The following LMNA variants were observed in gnomAD, a reference collection of about 807,000 sequenced individuals.
LMNA encodes the protein lamin.
Under a neutral mutation model 70.4 loss-of-function variants are expected in LMNA, and 20 were observed. The observed-to-expected ratio is 0.28, with a 90% CI of 0.20 to 0.41. The LOEUF (loss-of-function observed/expected upper bound fraction) is 0.41. Among genes scored for constraint, LMNA ranks in the 10% least tolerant of loss-of-function variants. The pLI, the probability that LMNA is intolerant of heterozygous loss-of-function variation, is 1.00. For missense variants in LMNA, 652 were observed against 917.2 expected (o/e 0.71, Z 3.73); for synonymous variants, 339 against 372.8 (o/e 0.91, Z 1.04).
chr1:156,124,735 G>T (rs113311348), intron 1 of LMNA, among the ~76,000 whole-genome samples: 6 of 152,130 alleles, frequency 3.9e-5, no homozygotes, highest in South Asian at 2.1e-4. Context: ...TGCCGGGTTG[G>T]GGGGGAGGTA....
Position 156,115,340 on chromosome 1 carries a change from G to A in LMNA, c.356+66G>A. On this transcript the variant is annotated intron_variant, in intron 1 of 11. Coordinates refer to ENST00000368300, the MANE Select transcript of LMNA (RefSeq NM_170707.4). The surrounding 1 kb of genome is among the most constrained non-coding windows in gnomAD (Gnocchi z 5.8). ...AGAGGGCGGCGGGCCGGCGCCCCTGGCCGGCCGCAGGAAGGGAGTGAGAGG... is the reference window on the plus strand; with the variant it reads ...AGAGGGCGGCGGGCCGGCGCCCCTGACCGGCCGCAGGAAGGGAGTGAGAGG... The A allele has an allele frequency of 7.0e-7, 1 of 1,431,384 alleles. No individual in the cohort carries two copies. Among genetic ancestry groups the A allele is most frequent in the Non-Finnish European group, 9.5e-7 (1 of 1,047,456 alleles). 88.7% of individuals were successfully genotyped at this position (1,431,384 alleles called of 1,614,324 possible). A position where few individuals can be genotyped will look rare whatever the true frequency, so the allele number is the denominator to read the frequency against.
Position 156,115,348 on chromosome 1 carries a change from C to A in LMNA, c.356+74C>A. 1 of 1,376,532 alleles carries A rather than the reference C, an allele frequency of 7.3e-7. No homozygotes were observed. The highest frequency in any genetic ancestry group is 1.0e-6 in the Non-Finnish European group (1 of 998,780). 85.3% of individuals were successfully genotyped at this position (1,376,532 alleles called of 1,614,324 possible). A position where few individuals can be genotyped will look rare whatever the true frequency, so the allele number is the denominator to read the frequency against. ...GCGGGCCGGCGCCCCTGGCCGGCCG[C>A]AGGAAGGGAGTGAGAGGGCCTGGAG... On this transcript the variant is annotated intron_variant, in intron 1 of 11. Coordinates refer to ENST00000368300, the MANE Select transcript of LMNA (RefSeq NM_170707.4). The surrounding 1 kb of genome is among the most constrained non-coding windows in gnomAD (Gnocchi z 5.8).
intron 3 of LMNA, among the ~76,000 whole-genome samples, chr1:156,109,174 A>G (rs1485945847): frequency 1.3e-5 from 2 of 151,052 alleles, no homozygotes; most frequent in African/African-American, 4.9e-5. Flanking sequence ...GTAGTCCATA[A>G]ATATTCCCTA....
chr1:156,133,461 C>G (rs1182918179), intron 2 of LMNA, among the ~76,000 whole-genome samples: 1 of 151,926 alleles, frequency 6.6e-6, no homozygotes, highest in Non-Finnish European at 1.5e-5. Flanking sequence ...GTCCCAGCTA[C>G]TCGGGAGACT....
chr1:156,092,890 CTTTTTTTTT>C lies in LMNA; in HGVS notation c.-207+2316_-207+2324del, dbSNP rs568056544. ...TTTCTTTCTTTTCTTTTCTTTTTTT[CTTTTTTTTT>C]TTTTTTTGAGACAGAGGAGTCTTGC... On this transcript the variant is annotated intron_variant, in intron 3 of 12. Coordinates refer to the LMNA transcript ENST00000368301. Among the ~76,000 whole-genome samples the C allele has an allele frequency of 2.9e-5, 4 of 135,654 alleles. No individual in the cohort carries two copies. In the East Asian group the frequency reaches 8.4e-4, roughly 29 times the overall value. 89.0% of individuals were successfully genotyped at this position (135,654 alleles called of 152,430 possible).
At chr1:156,096,890 G>A (rs1444540633) in intron 3 of LMNA, among the ~76,000 whole-genome samples, 1 of 152,210 alleles carries the variant, frequency 6.6e-6, no homozygotes, top group Admixed American at 6.5e-5. Flanking sequence ...CAGGAGAGAT[G>A]GGGTCCTGAG....
In LMNA at chr1:156,136,165, G is replaced by A. The variant is rs779730214; in HGVS notation, c.1157+44G>A. 11 of 1,613,146 alleles carry A rather than the reference G, an allele frequency of 6.8e-6. No homozygotes were observed. In the South Asian group the frequency reaches 1.2e-4, roughly 18 times the overall value. ...GGGGAGGTGCTGGCAGTGTCCTCTG[G>A]CCGGCAACTGGCCTTGACTAGACCC... On this transcript the variant is annotated intron_variant, in intron 6 of 11. Transcript: ENST00000368300. The surrounding 1 kb of genome is among the most constrained non-coding windows in gnomAD (Gnocchi z 6.1).
At chr1:156,096,566 C>T (rs1188668660) in intron 3 of LMNA, among the ~76,000 whole-genome samples, 1 of 152,264 alleles carries the variant, frequency 6.6e-6, no homozygotes, top group Non-Finnish European at 1.5e-5. Context: ...GGGTTTTCTG[C>T]TCCCCAGCGT....
At position 156,135,458 on chromosome 1, in the gene LMNA, G is replaced by C; in HGVS notation, c.936+146G>C. 9.6e-7 allele frequency: 1 copy of C among 1,042,802 alleles called. No individual in the cohort carries two copies. The highest frequency in any genetic ancestry group is 1.4e-6 in the Non-Finnish European group (1 of 700,838). The allele number at this position is 1,042,802 out of a possible 1,614,324, so 64.6% of individuals were successfully genotyped here. ...AGTGTCCCCACAACCACAGAGAAGGGTCGCAGGATGTGGAGTCAGATGGCC... is the reference window on the plus strand; with the variant it reads ...AGTGTCCCCACAACCACAGAGAAGGCTCGCAGGATGTGGAGTCAGATGGCC... On this transcript the variant is annotated intron_variant, in intron 5 of 11. Transcript: ENST00000368300. The surrounding 1 kb of genome is among the most constrained non-coding windows in gnomAD (Gnocchi z 4.8).
chr1:156,108,752 G>A (rs1172758410), intron 3 of LMNA, among the ~76,000 whole-genome samples: 5 of 150,324 alleles, frequency 3.3e-5, no homozygotes, highest in Admixed American at 2.0e-4. Flanking sequence ...GGCAACGGGC[G>A]AAACTCCATC....
At chr1:156,108,222 GT>G (rs1426355914) in intron 3 of LMNA, among the ~76,000 whole-genome samples, 3 of 152,102 alleles carry the variant, frequency 2.0e-5, no homozygotes, top group Non-Finnish European at 4.4e-5. Context: ...CACTGTCAAG[GT>G]TATAACTATC....
intron 1 of LMNA, chr1:156,126,852 C>G (rs781641454): frequency 6.2e-7 from 1 of 1,612,104 alleles, no homozygotes; most frequent in Admixed American, 1.7e-5. Context: ...AGGGAAAGGA[C>G]TGGCACTCTG....
chr1:156,121,666 C>T (rs1313206472), intron 1 of LMNA, among the ~76,000 whole-genome samples: 1 of 152,048 alleles, frequency 6.6e-6, no homozygotes, highest in African/African-American at 2.4e-5. Flanking sequence ...TGCTCCCCTC[C>T]CCCTTGCTTC....
chr1:156,130,188 G>A (rs1227020758), intron 1 of LMNA, among the ~76,000 whole-genome samples: 1 of 152,190 alleles, frequency 6.6e-6, no homozygotes, highest in Non-Finnish European at 1.5e-5. Context: ...TAGTTGTCAG[G>A]CTCCTCAGAG....
Position 156,139,389 on chromosome 1 carries a change from C to A in LMNA, c.*283C>A, listed in dbSNP as rs1651927004. The A allele has an allele frequency of 8.0e-6, 11 of 1,380,150 alleles. No individual in the cohort carries two copies. Among genetic ancestry groups the A allele is most frequent in the Non-Finnish European group, 1.0e-5 (11 of 1,070,448 alleles). The allele number at this position is 1,380,150 out of a possible 1,614,324, so 85.5% of individuals were successfully genotyped here. On this transcript the variant is annotated 3_prime_UTR_variant, in exon 12 of 12. Coordinates refer to ENST00000368300, the MANE Select transcript of LMNA (RefSeq NM_170707.4). ...TCCCTGCTTCCAGGAAACTCCACAT[C>A]TGCCTTAAAACCAAAGAGGGCTTCC...
chr1:156,122,949 G>A (rs1650300257), intron 1 of LMNA, among the ~76,000 whole-genome samples: 1 of 152,192 alleles, frequency 6.6e-6, no homozygotes, highest in Non-Finnish European at 1.5e-5. Context: ...CCCCCAAGTT[G>A]TGAGAGAGGA....
Position 156,139,660 on chromosome 1 carries a change from C to A in LMNA, c.*554C>A. ...CCTGCTGTGATTCCACTACACCTGG[C>A]TGAGGTTCCTCTGCCTGCCCCGCCC... On this transcript the variant is annotated 3_prime_UTR_variant, in exon 12 of 12. Transcript: ENST00000368300. 6.7e-7 allele frequency: 1 copy of A among 1,499,974 alleles called. No homozygotes were observed. The highest frequency in any genetic ancestry group is 1.3e-5 in the South Asian group (1 of 79,550). The allele number at this position is 1,499,974 out of a possible 1,614,324, so 92.9% of individuals were successfully genotyped here.
chr1:156,128,836 T>C (rs920635633), intron 1 of LMNA, among the ~76,000 whole-genome samples: 1 of 152,202 alleles, frequency 6.6e-6, no homozygotes, highest in Non-Finnish European at 1.5e-5. Context: ...GCCATTAGCC[T>C]TCAGGGTAGA....
intron 3 of LMNA, among the ~76,000 whole-genome samples, chr1:156,102,156 C>A (rs1649165486): frequency 6.6e-6 from 1 of 152,204 alleles, no homozygotes; most frequent in Admixed American, 6.5e-5. Flanking sequence ...TTGATGCTCC[C>A]CAGCCCAAAG....
Sources: gnomAD v4.1 joint callset for allele counts (sites outside exome capture counted in the v4.1 genomes callset) on GRCh38, gnomAD v4.1.1 for gene constraint, Gnocchi (gnomAD v3.1) non-coding constraint, MANE v1.5 for transcripts, NCBI Gene and HGNC (gene_info 2026-07-23, HGNC 2026-07-21) for gene names.